SCAI: variants seen among roughly 807,000 people sequenced by gnomAD.
SCAI encodes the protein protein SCAI.
A neutral mutation model predicts 92.2 loss-of-function variants in SCAI; 24 were observed. The observed-to-expected ratio is 0.26, with a 90% CI of 0.19 to 0.37. SCAI has a LOEUF of 0.37. Among genes scored for constraint, SCAI ranks in the 10% least tolerant of loss-of-function variants. The pLI is 1.00. For synonymous variants in SCAI, 261 were observed against 258.6 expected (o/e 1.01, Z -0.09); for missense variants, 450 against 736.2 (o/e 0.61, Z 4.50).
At position 125,052,899 on chromosome 9, in the gene SCAI, A is replaced by C. The variant is rs1320332717; in HGVS notation, c.230+2977T>G. On this transcript the variant is annotated intron_variant, in intron 3 of 17. Coordinates refer to ENST00000336505, the MANE Select transcript of SCAI (RefSeq NM_001144877.3). Reference sequence around the variant, plus strand: ...AGAGACACCATTTACATCCAGTAGCATGTCTATAATCAAAAAGACAGAAAA... The same window carrying C: ...AGAGACACCATTTACATCCAGTAGCCTGTCTATAATCAAAAAGACAGAAAA... 2.6e-5 allele frequency among the ~76,000 whole-genome samples: 4 copies of C among 152,036 alleles called. No individual in the cohort carries two copies. The East Asian group carries it at 7.7e-4, about 29-fold the overall frequency.
At chr9:125,130,055 C>T (rs1052443324) in intron 2 of SCAI, among the ~76,000 whole-genome samples, 2 of 151,740 alleles carry the variant, frequency 1.3e-5, no homozygotes, top group East Asian at 1.9e-4. Context: ...CCCACCACCA[C>T]GCCCAGCTAA....
intron 4 of SCAI, among the ~76,000 whole-genome samples, chr9:125,029,244 C>A (rs1469775954): frequency 1.3e-5 from 2 of 152,126 alleles, no homozygotes; most frequent in Non-Finnish European, 2.9e-5. Flanking sequence ...GCCACAGCCT[C>A]CTAAGTAGCT....
chr9:125,070,663 T>A (rs1279868357), intron 2 of SCAI, among the ~76,000 whole-genome samples: 4 of 152,122 alleles, frequency 2.6e-5, no homozygotes, highest in Non-Finnish European at 5.9e-5. Flanking sequence ...CCTCCCAGCG[T>A]GCTGGGATTA....
At chr9:125,036,412 A>G (rs2131100013) in intron 3 of SCAI, among the ~76,000 whole-genome samples, 1 of 152,348 alleles carries the variant, frequency 6.6e-6, no homozygotes, top group Non-Finnish European at 1.5e-5. Flanking sequence ...GTATAAATTA[A>G]TAAACGAAGA....
chr9:125,028,119 A>G (rs1263264261), intron 5 of SCAI, among the ~76,000 whole-genome samples: 3 of 152,232 alleles, frequency 2.0e-5, no homozygotes, highest in African/African-American at 7.2e-5. Flanking sequence ...CTTTAGTATT[A>G]ATCGTTTATC....
At chr9:125,023,388 G>C (rs1315350802) in intron 6 of SCAI, among the ~76,000 whole-genome samples, 1 of 152,126 alleles carries the variant, frequency 6.6e-6, no homozygotes, top group Non-Finnish European at 1.5e-5. Context: ...ATTTCTAGGT[G>C]TTTAGTATTT....
At chr9:125,094,079 G>A (rs1435552669) in intron 2 of SCAI, among the ~76,000 whole-genome samples, 1 of 151,320 alleles carries the variant, frequency 6.6e-6, no homozygotes, top group African/African-American at 2.4e-5. Context: ...CAGTTGTTCG[G>A]GTACAGTTCA....
At chr9:125,037,943 C>T (rs1018085848) in intron 3 of SCAI, among the ~76,000 whole-genome samples, 2 of 151,280 alleles carry the variant, frequency 1.3e-5, no homozygotes, top group African/African-American at 4.9e-5. Context: ...TTACTTGTGC[C>T]CATTTTTGGG....
At chr9:125,006,378 G>A (rs1300977783) in intron 9 of SCAI, among the ~76,000 whole-genome samples, 8 of 152,102 alleles carry the variant, frequency 5.3e-5, no homozygotes, top group Middle Eastern at 3.4e-3. Context: ...CCCCATCCCC[G>A]GTCTCTTAAA....
chr9:125,110,848 C>T (rs116667504), intron 2 of SCAI, among the ~76,000 whole-genome samples: 70 of 152,270 alleles, frequency 4.6e-4, no homozygotes, highest in African/African-American at 1.6e-3. Flanking sequence ...GGCCTGCTCC[C>T]GCTTTGCCTC....
intron 2 of SCAI, among the ~76,000 whole-genome samples, chr9:125,090,399 A>G (rs1283219762): frequency 6.6e-6 from 1 of 151,438 alleles, no homozygotes; most frequent in Non-Finnish European, 1.5e-5. Context: ...AGGAAGAGGA[A>G]GGAGGATGAT....
intron 17 of SCAI, among the ~76,000 whole-genome samples, chr9:124,967,933 G>A (rs1831572449): frequency 6.6e-6 from 1 of 152,204 alleles, no homozygotes; most frequent in Admixed American, 6.5e-5. Flanking sequence ...ACTTCTTGCA[G>A]TAAGTCCTTC....
chr9:125,066,241 C>T (rs1380843291), intron 2 of SCAI, among the ~76,000 whole-genome samples: 2 of 152,012 alleles, frequency 1.3e-5, no homozygotes, highest in South Asian at 2.1e-4. Flanking sequence ...TTTCTATATT[C>T]CCAAGAACAA....
At chr9:125,048,103 C>G (rs1164113101) in intron 3 of SCAI, among the ~76,000 whole-genome samples, 1 of 152,110 alleles carries the variant, frequency 6.6e-6, no homozygotes, top group Non-Finnish European at 1.5e-5. Context: ...CTCAGACTCT[C>G]AAGTAGCTGG....
At chr9:125,081,739 A>AT (rs1201639327) in intron 2 of SCAI, among the ~76,000 whole-genome samples, 1 of 151,678 alleles carries the variant, frequency 6.6e-6, no homozygotes, top group Non-Finnish European at 1.5e-5. Flanking sequence ...GGCCCAGCTA[A>AT]TTTTTTATAT....
intron 2 of SCAI, among the ~76,000 whole-genome samples, chr9:125,117,195 C>A (rs2131242672): frequency 6.6e-6 from 1 of 152,254 alleles, no homozygotes. Context: ...GCCTTTAAAT[C>A]TTGCATATAA....
At chr9:124,994,869 A>G in intron 14 of SCAI, 65 bp downstream of exon 14, 1 of 984,050 alleles carries the variant, frequency 1.0e-6, no homozygotes, top group Non-Finnish European at 1.6e-6. Context: ...GGCACACATT[A>G]AGAGTGGGTA....
intron 2 of SCAI, among the ~76,000 whole-genome samples, chr9:125,104,968 A>AG (rs1428553652): frequency 1.3e-5 from 2 of 151,900 alleles, no homozygotes; most frequent in Non-Finnish European, 2.9e-5. Flanking sequence ...AAAAAAAAAA[A>AG]AAAAAAAATT....
chr9:125,122,588 CAAAAAAAAA>C (rs34757267), intron 2 of SCAI, among the ~76,000 whole-genome samples: 20,864 of 59,760 alleles, frequency 0.35, 1,961 homozygotes, highest in South Asian at 0.43. Context: ...GACTCCATCT[CAAAAAAAAA>C]AAAAAAAAAA....
Sources: allele counts gnomAD v4.1 joint callset (sites outside exome capture counted in the v4.1 genomes callset), GRCh38; gene constraint gnomAD v4.1.1; transcripts MANE v1.5; gene names NCBI Gene and HGNC (gene_info 2026-07-23, HGNC 2026-07-21).